HEATR5A: variants seen among roughly 807,000 people sequenced by gnomAD.
The protein encoded by HEATR5A is HEAT repeat-containing protein 5A.
Under a neutral mutation model 218.8 loss-of-function variants are expected in HEATR5A, and 178 were observed. That is an observed-to-expected ratio of 0.81 (90% confidence interval 0.72 to 0.92). The LOEUF (loss-of-function observed/expected upper bound fraction) is 0.92, where lower values mean the gene tolerates loss of function less well. Ranked by LOEUF, HEATR5A falls within the 40% of genes least tolerant of loss-of-function variation. The pLI is 0.00. For missense variants in HEATR5A, 2,420 were observed against 2,418.9 expected (o/e 1.00, Z -0.01); for synonymous variants, 864 against 871.6 (o/e 0.99, Z 0.15).
intron 1 of HEATR5A, among the ~76,000 whole-genome samples, chr14:31,415,403 T>C (rs1031945196): frequency 4.6e-5 from 7 of 152,188 alleles, no homozygotes; most frequent in Admixed American, 1.3e-4. Flanking sequence ...ATCCCCACAA[T>C]TGTCTGGAGC....
chr14:31,321,799 T>C, intron 24 of HEATR5A, 119 bp from the exon 25 acceptor site: 1 of 715,846 alleles, frequency 1.4e-6, no homozygotes, highest in Non-Finnish European at 2.3e-6. Flanking sequence ...TCTGACTTGA[T>C]ATACTGTTTT....
At chr14:31,303,948 G>A (rs781248371) in intron 32 of HEATR5A, among the ~76,000 whole-genome samples, 12 of 152,100 alleles carry the variant, frequency 7.9e-5, no homozygotes, top group African/African-American at 2.9e-4. Flanking sequence ...GCTCACACCT[G>A]TAGTCCCAGC....
chr14:31,365,172 C>A (rs1275947788), intron 13 of HEATR5A, among the ~76,000 whole-genome samples: 1 of 151,764 alleles, frequency 6.6e-6, no homozygotes, highest in Non-Finnish European at 1.5e-5. Context: ...TGCACCCGGC[C>A]AGGACTACTA....
chr14:31,388,945 G>A lies in HEATR5A; in HGVS notation c.833C>T (p.Thr278Ile), dbSNP rs1452809761. 1 of 1,613,700 alleles carries A rather than the reference G, an allele frequency of 6.2e-7. No individual in the cohort carries two copies. The highest frequency in any genetic ancestry group is 1.1e-5 in the South Asian group (1 of 91,074). ...TCCTGAACTCCCACGTAGAAACCCT[G>A]TTCCTAGTAATTCCAGAACTTCCTC... ...SLEEVLELLG[T>I]GFLRGSSGFL... The change falls in exon 7 of 36, where the codon ACA becomes ATA. Residue 278 changes from threonine (T) to isoleucine (I), a missense_variant. Transcript: ENST00000543095.
chr14:31,326,240 T>C lies in HEATR5A; in HGVS notation c.3470A>G (p.Tyr1157Cys), dbSNP rs376279182. 6.2e-7 allele frequency: 1 copy of C among 1,613,014 alleles called. No homozygotes were observed. Among genetic ancestry groups the C allele is most frequent in the African/African-American group, 1.3e-5 (1 of 75,030 alleles). The change falls in exon 23 of 36, where the codon TAT becomes TGT. Residue 1157 changes from tyrosine to cysteine, a missense_variant. Physicochemically the swap from Tyr to Cys is radical, Grantham distance 194 (BLOSUM62 -2). Coordinates refer to ENST00000543095, the MANE Select transcript of HEATR5A (RefSeq NM_015473.4). ...TTCCACTGCCATAGATGTAAGCATA[T>C]AATTTAAAGTCTCTTTGATATCATG... The part of the protein sequence containing the change: ...LCHDIKETLN[Y>C]MLTSMAVEKL...
At chr14:31,398,119 A>G (rs1338296935) in intron 4 of HEATR5A, among the ~76,000 whole-genome samples, 1 of 152,236 alleles carries the variant, frequency 6.6e-6, no homozygotes, top group East Asian at 1.9e-4. Flanking sequence ...GACAGTCTCA[A>G]AAACAAAGGG....
At chr14:31,313,659 C>G (rs576009921) in intron 27 of HEATR5A, among the ~76,000 whole-genome samples, 3 of 152,166 alleles carry the variant, frequency 2.0e-5, no homozygotes, top group Non-Finnish European at 4.4e-5. Context: ...ATAACATGCA[C>G]TATCCCTTTA....
chr14:31,365,259 A>T (rs1860743834), intron 13 of HEATR5A, among the ~76,000 whole-genome samples: 1 of 152,188 alleles, frequency 6.6e-6, no homozygotes, highest in Non-Finnish European at 1.5e-5. Context: ...AATTACTTTT[A>T]TTATGTCACT....
intron 3 of HEATR5A, among the ~76,000 whole-genome samples, chr14:31,399,352 T>G (rs1201358281): frequency 6.6e-6 from 1 of 152,196 alleles, no homozygotes; most frequent in East Asian, 1.9e-4. Context: ...CCCTCAAGTT[T>G]GTTACAAAAT....
At chr14:31,413,029 C>T (rs375026113) in intron 1 of HEATR5A, among the ~76,000 whole-genome samples, 6 of 152,044 alleles carry the variant, frequency 3.9e-5, no homozygotes, top group African/African-American at 4.8e-5. Flanking sequence ...TTTTCTAACT[C>T]GTACCACAAA....
intron 21 of HEATR5A, chr14:31,340,388 GAC>G (rs749904941): frequency 1.4e-4 from 154 of 1,066,456 alleles, no homozygotes; most frequent in Middle Eastern, 9.5e-4. Flanking sequence ...ACCAAAAAAT[GAC>G]ACAAAGAAAC....
chr14:31,308,215 A>G (rs2139141559), intron 29 of HEATR5A, among the ~76,000 whole-genome samples, 195 bp from the exon 30 acceptor site: 1 of 152,346 alleles, frequency 6.6e-6, no homozygotes, highest in East Asian at 1.9e-4. Context: ...ATGTACAAAA[A>G]AAATAATCTA....
Position 31,343,307 on chromosome 14 carries a change from G to C in HEATR5A, c.3228+589C>G, listed in dbSNP as rs550140261. On this transcript the variant is annotated intron_variant, in intron 21 of 35. Transcript: ENST00000543095. Reference sequence around the variant, plus strand: ...GGGGTTTCACCATGTTGGCCAGGCTGATCTGCCCACCTTGGCCTCCCAAAG... The same window carrying C: ...GGGGTTTCACCATGTTGGCCAGGCTCATCTGCCCACCTTGGCCTCCCAAAG... 7.9e-5 allele frequency among the ~76,000 whole-genome samples: 12 copies of C among 152,238 alleles called. No homozygotes were observed. In the East Asian group the frequency reaches 2.3e-3, roughly 29 times the overall value.
chr14:31,298,824 T>C (rs1032913235), intron 33 of HEATR5A, among the ~76,000 whole-genome samples: 3 of 152,014 alleles, frequency 2.0e-5, no homozygotes, highest in African/African-American at 7.3e-5. Flanking sequence ...TAAAAAAAAG[T>C]TATCCCTTGA....
chr14:31,412,998 C>T (rs1267322477), intron 1 of HEATR5A, among the ~76,000 whole-genome samples: 2 of 151,988 alleles, frequency 1.3e-5, no homozygotes, highest in African/African-American at 4.8e-5. Context: ...ATACGAATTC[C>T]CACAGTCAAA....
At chr14:31,395,084 G>A (rs2030604404) in intron 5 of HEATR5A, 115 bp downstream of exon 5, 8 of 606,394 alleles carry the variant, frequency 1.3e-5, no homozygotes, top group Admixed American at 1.3e-4. Context: ...ATGTTAAAAT[G>A]AGATAGTCCT....
chr14:31,318,238 C>T lies in HEATR5A; in HGVS notation c.4024G>A (p.Ala1342Thr), dbSNP rs866173354. The change falls in exon 26 of 36, where the codon GCC (alanine) becomes ACC (threonine). Residue 1342 changes from alanine to threonine, a missense_variant. By Grantham distance (58) the Ala-to-Thr change is moderately conservative. Transcript: ENST00000543095. ...TAACCATTTACCTGACATGCTTTGG[C>T]AGTGACATCAGGTGGTGTCTCTGAA... ...FTSETPPDVT[A>T]KACQVCSAWI... is the part of the protein sequence containing the mutation. 1 of 1,613,674 alleles carries T rather than the reference C, an allele frequency of 6.2e-7. No individual in the cohort carries two copies.
intron 33 of HEATR5A, among the ~76,000 whole-genome samples, chr14:31,301,851 T>A (rs1401599108): frequency 7.1e-6 from 1 of 141,490 alleles, no homozygotes; most frequent in African/African-American, 2.6e-5. Flanking sequence ...AGAGTCTCGC[T>A]CTGTTGTCCA....
At chr14:31,415,913 A>G (rs77662207) in intron 1 of HEATR5A, among the ~76,000 whole-genome samples, 2,078 of 152,114 alleles carry the variant, frequency 0.014, 74 homozygotes, top group Admixed American at 0.075. Context: ...TAAAACAACA[A>G]TTTAGTAAAA....
Sources: allele counts gnomAD v4.1 joint callset (sites outside exome capture counted in the v4.1 genomes callset), GRCh38; gene constraint gnomAD v4.1.1; transcripts MANE v1.5; gene names NCBI Gene and HGNC (gene_info 2026-07-23, HGNC 2026-07-21).